CLVS1: variants seen among roughly 807,000 people sequenced by gnomAD.
CLVS1 encodes clavesin-1.
In CLVS1, 10 loss-of-function variants were observed where a neutral mutation model predicts 33.1. The observed-to-expected ratio is 0.30, with a 90% CI of 0.19 to 0.51. The LOEUF (loss-of-function observed/expected upper bound fraction) is 0.51. Ranked by LOEUF, CLVS1 falls within the 20% of genes least tolerant of loss-of-function variation. The probability of loss-of-function intolerance (pLI) is 0.97; values close to 1 mark genes in which losing one functional copy is unlikely to be tolerated. For synonymous variants in CLVS1, 163 were observed against 166.1 expected, an observed-to-expected ratio of 0.98 and a Z score of 0.14; for missense variants, 343 against 433.4, an observed-to-expected ratio of 0.79 and a Z score of 1.85.
intron 2 of CLVS1, among the ~76,000 whole-genome samples, chr8:61,373,522 T>G (rs374680312): frequency 2.1e-4 from 32 of 152,316 alleles, no homozygotes; most frequent in African/African-American, 7.2e-4. Flanking sequence ...AGTGTGGATA[T>G]GTGTTGAAAA....
intron 2 of CLVS1, among the ~76,000 whole-genome samples, chr8:61,163,610 G>A (rs780847577): frequency 3.3e-5 from 5 of 152,202 alleles, no homozygotes; most frequent in Admixed American, 2.6e-4. Context: ...GTAACCTGGG[G>A]TTCTTGGCCT....
intron 3 of CLVS1, among the ~76,000 whole-genome samples, chr8:61,434,101 G>A (rs958866337): frequency 6.6e-6 from 1 of 152,136 alleles, no homozygotes; most frequent in Admixed American, 6.6e-5. Flanking sequence ...AGATTATCAG[G>A]GCTTTTAATC....
At chr8:61,130,552 T>C (rs2129291098) in intron 1 of CLVS1, among the ~76,000 whole-genome samples, 1 of 152,350 alleles carries the variant, frequency 6.6e-6, no homozygotes, top group East Asian at 1.9e-4. Flanking sequence ...CTTGGTATCT[T>C]GGGTGAGAAA....
intron 3 of CLVS1, among the ~76,000 whole-genome samples, chr8:61,412,182 A>G (rs1461515787): frequency 1.3e-5 from 2 of 152,224 alleles, no homozygotes; most frequent in East Asian, 3.8e-4. Flanking sequence ...GAAAGTGATG[A>G]TTTGGTGGAG....
chr8:61,232,022 G>GTTTTTTGTTTGTTTGTTTGTTTGTTT lies in CLVS1; in HGVS notation c.-151-67655_-151-67654insTTTTTTGTTTGTTTGTTTGTTTGTTT, dbSNP rs376185436. Reference sequence around the variant, plus strand: ...GAGAAGGAGCCCTGAGGAAAGTTGTGGTTTTTTTTTTTTTTTTTTTTTTTT... The same window carrying GTTTTTTGTTTGTTTGTTTGTTTGTTT: ...GAGAAGGAGCCCTGAGGAAAGTTGTGTTTTTTGTTTGTTTGTTTGTTTGTTTGTTTTTTTTTTTTTTTTTTTTTTTT... On this transcript the variant is annotated intron_variant, in intron 2 of 2. Coordinates refer to the CLVS1 transcript ENST00000522621. 1.8e-4 allele frequency among the ~76,000 whole-genome samples: 21 copies of GTTTTTTGTTTGTTTGTTTGTTTGTTT among 117,072 alleles called. 4 individuals carry two copies. The highest frequency in any genetic ancestry group is 7.6e-4 in the African/African-American group (17 of 22,344). 76.8% of individuals were successfully genotyped at this position (117,072 alleles called of 152,430 possible). A position where few individuals can be genotyped will look rare whatever the true frequency, so the allele number is the denominator to read the frequency against.
the CLVS1 span, among the ~76,000 whole-genome samples, chr8:60,999,611 G>A: frequency 6.6e-6 from 1 of 152,182 alleles, no homozygotes; most frequent in Non-Finnish European, 1.5e-5. Context: ...GGCCAACTGT[G>A]ATCACCTAAC....
chr8:61,160,621 ATT>A lies in CLVS1; in HGVS notation c.-152+28770_-152+28771del, dbSNP rs5891793. ...CTAAATTACCTCTTCTTGTTAAGAG[ATT>A]TTTTTTTTCCTGAGATTAATTAGTA... On this transcript the variant is annotated intron_variant, in intron 2 of 2. Coordinates refer to the CLVS1 transcript ENST00000522621. Among the ~76,000 whole-genome samples the A allele has an allele frequency of 1.2e-4, 18 of 151,328 alleles. 1 individual carries two copies. The highest frequency in any genetic ancestry group is 1.2e-3 in the Admixed American group (18 of 15,176).
At chr8:61,303,076 G>A (rs948409020) in intron 2 of CLVS1, among the ~76,000 whole-genome samples, 15 of 152,192 alleles carry the variant, frequency 9.9e-5, no homozygotes, top group African/African-American at 3.6e-4. Context: ...GGGACATGGA[G>A]CCAAACCATA....
chr8:61,022,921 G>A, the CLVS1 span, among the ~76,000 whole-genome samples: 3 of 152,158 alleles, frequency 2.0e-5, no homozygotes, highest in Non-Finnish European at 4.4e-5. Flanking sequence ...TGTGTGCGCC[G>A]GAGCTACACT....
At chr8:61,377,974 C>T (rs572006300) in intron 3 of CLVS1, 1 of 152,314 alleles carries the variant, frequency 6.6e-6, no homozygotes, top group Non-Finnish European at 1.5e-5. Context: ...TAATCATAGA[C>T]TTCTGTGTTC....
At chr8:61,077,269 C>T (rs1176696613) in intron 1 of CLVS1, among the ~76,000 whole-genome samples, 4 of 151,562 alleles carry the variant, frequency 2.6e-5, no homozygotes, top group Non-Finnish European at 5.9e-5. Context: ...AGACGGGTTT[C>T]ACCCTGTTAG....
the CLVS1 span, among the ~76,000 whole-genome samples, chr8:61,034,391 C>A: frequency 6.6e-6 from 1 of 151,386 alleles, no homozygotes; most frequent in Non-Finnish European, 1.5e-5. Context: ...GTGGTGCAAA[C>A]TTTGAAATTT....
chr8:61,103,193 G>A (rs985058460), intron 1 of CLVS1, among the ~76,000 whole-genome samples: 4 of 152,292 alleles, frequency 2.6e-5, no homozygotes, highest in African/African-American at 9.6e-5. Flanking sequence ...GGACTGGGAG[G>A]GTGAAGCACT....
At chr8:61,247,690 A>T (rs1379515652) in intron 2 of CLVS1, among the ~76,000 whole-genome samples, 1 of 152,200 alleles carries the variant, frequency 6.6e-6, no homozygotes, top group Non-Finnish European at 1.5e-5. Flanking sequence ...GGTGCTGGAT[A>T]TTAGACCTTT....
At chr8:61,300,441 G>T in intron 2 of CLVS1, 159 bp downstream of exon 2, 1 of 609,928 alleles carries the variant, frequency 1.6e-6, no homozygotes, top group Non-Finnish European at 2.8e-6. Flanking sequence ...GTCTTCAAAA[G>T]GCAATTCCAG....
intron 2 of CLVS1, among the ~76,000 whole-genome samples, chr8:61,315,383 C>T (rs1390329955): frequency 2.0e-5 from 3 of 152,150 alleles, no homozygotes; most frequent in African/African-American, 7.2e-5. Flanking sequence ...TGTCTTCCTT[C>T]CATACTTACT....
At chr8:60,971,602 G>A in the CLVS1 span, among the ~76,000 whole-genome samples, 1 of 152,104 alleles carries the variant, frequency 6.6e-6, no homozygotes, top group African/African-American at 2.4e-5. Flanking sequence ...GTTTACACAT[G>A]TTTATTGGCA....
At chr8:60,986,356 C>A in the CLVS1 span, among the ~76,000 whole-genome samples, 7 of 152,210 alleles carry the variant, frequency 4.6e-5, no homozygotes, top group Non-Finnish European at 8.8e-5. Context: ...TTTTGCTGAT[C>A]GGATGGCTGT....
intron 2 of CLVS1, among the ~76,000 whole-genome samples, chr8:61,301,710 G>A (rs943944210): frequency 2.0e-5 from 3 of 152,216 alleles, no homozygotes; most frequent in Middle Eastern, 3.4e-3. Flanking sequence ...TAGTGAATAC[G>A]GAGTGGGAGT....
Sources: allele counts gnomAD v4.1 joint callset (sites outside exome capture counted in the v4.1 genomes callset), GRCh38; gene constraint gnomAD v4.1.1; transcripts MANE v1.5; gene names NCBI Gene and HGNC (gene_info 2026-07-23, HGNC 2026-07-21).